The following SNTG1 variants were observed in gnomAD, a reference collection of about 807,000 sequenced individuals.
SNTG1 encodes gamma-1-syntrophin.
In SNTG1, 39 loss-of-function variants were observed where a neutral mutation model predicts 74.7. That is an observed-to-expected ratio of 0.52 (90% confidence interval 0.40 to 0.68). SNTG1 has a LOEUF of 0.68. SNTG1 is among the 30% of genes least tolerant of loss of function. SNTG1 has a pLI of 0.00. For missense variants in SNTG1, 685 were observed against 609.5 expected, an observed-to-expected ratio of 1.12 and a Z score of -1.30; for synonymous variants, 254 against 217.1, an observed-to-expected ratio of 1.17 and a Z score of -1.49.
intron 13 of SNTG1, among the ~76,000 whole-genome samples, chr8:50,607,494 G>C (rs1037396231): frequency 2.0e-5 from 3 of 151,336 alleles, no homozygotes; most frequent in Admixed American, 6.6e-5. Context: ...TAAGTCATTG[G>C]TATATATTTA....
intron 15 of SNTG1, among the ~76,000 whole-genome samples, chr8:50,702,218 C>T (rs1371981346): frequency 6.6e-6 from 1 of 152,072 alleles, no homozygotes; most frequent in Non-Finnish European, 1.5e-5. Context: ...TAGTTATTAT[C>T]TCTCATTGTT....
chr8:50,291,345 A>AT (rs933537070), intron 2 of SNTG1, among the ~76,000 whole-genome samples: 22 of 151,186 alleles, frequency 1.5e-4, no homozygotes, highest in African/African-American at 5.1e-4. Flanking sequence ...GTGAGGTACT[A>AT]TTTTTTTAAA....
At chr8:49,922,218 C>T (rs1328782259) in intron 1 of SNTG1, among the ~76,000 whole-genome samples, 3 of 152,060 alleles carry the variant, frequency 2.0e-5, no homozygotes, top group Non-Finnish European at 4.4e-5. Flanking sequence ...CAGAAGTTTG[C>T]TTTTGTCTGA....
intron 8 of SNTG1, among the ~76,000 whole-genome samples, chr8:50,501,713 C>A (rs1399919126): frequency 6.6e-6 from 1 of 151,494 alleles, no homozygotes; most frequent in Non-Finnish European, 1.5e-5. Context: ...CTGCCTCGGT[C>A]TCCCAAAGTG....
At chr8:50,280,746 G>A (rs1029913228) in intron 2 of SNTG1, among the ~76,000 whole-genome samples, 1 of 152,146 alleles carries the variant, frequency 6.6e-6, no homozygotes, top group Non-Finnish European at 1.5e-5. Context: ...GGGTTGTGGA[G>A]ATAAATTGTA....
chr8:50,743,798 G>A (rs1333670701), intron 17 of SNTG1, among the ~76,000 whole-genome samples: 1 of 151,954 alleles, frequency 6.6e-6, no homozygotes, highest in Non-Finnish European at 1.5e-5. Flanking sequence ...AAATACCTGA[G>A]ACTGGGTAAT....
chr8:50,186,014 G>T (rs75882972), intron 2 of SNTG1, among the ~76,000 whole-genome samples: 3 of 151,850 alleles, frequency 2.0e-5, no homozygotes, highest in African/African-American at 7.3e-5. Flanking sequence ...TCCCACCCCC[G>T]ACAGGTCTGT....
chr8:50,015,809 T>G (rs1233327092), intron 1 of SNTG1, among the ~76,000 whole-genome samples: 1 of 152,164 alleles, frequency 6.6e-6, no homozygotes, highest in Non-Finnish European at 1.5e-5. Flanking sequence ...TTTGATGAAC[T>G]CTTGGAAAAC....
intron 11 of SNTG1, among the ~76,000 whole-genome samples, chr8:50,540,161 G>A (rs1215547161): frequency 6.6e-6 from 1 of 152,106 alleles, no homozygotes; most frequent in Admixed American, 6.6e-5. Context: ...ATAAGAATGA[G>A]GCCACTCTGT....
intron 15 of SNTG1, among the ~76,000 whole-genome samples, chr8:50,691,879 G>A (rs1401781006): frequency 6.6e-6 from 1 of 152,034 alleles, no homozygotes; most frequent in East Asian, 1.9e-4. Flanking sequence ...GTCACTTTCA[G>A]GAACACCAAT....
chr8:50,552,501 A>G (rs1361052813), intron 11 of SNTG1, among the ~76,000 whole-genome samples: 1 of 152,214 alleles, frequency 6.6e-6, no homozygotes, highest in African/African-American at 2.4e-5. Context: ...GAAAGAAGGT[A>G]TGAACCTCTT....
At chr8:50,712,589 C>G (rs933435396) in intron 17 of SNTG1, among the ~76,000 whole-genome samples, 1 of 151,992 alleles carries the variant, frequency 6.6e-6, no homozygotes, top group Non-Finnish European at 1.5e-5. Context: ...CTGTATCCAT[C>G]AACCCGTCAT....
intron 17 of SNTG1, among the ~76,000 whole-genome samples, chr8:50,735,467 G>A (rs768115548): frequency 2.0e-5 from 3 of 151,716 alleles, no homozygotes; most frequent in South Asian, 2.1e-4. Context: ...CAAGAACTTC[G>A]TGAAGCATAC....
At chr8:50,387,414 C>A (rs941139417) in intron 2 of SNTG1, among the ~76,000 whole-genome samples, 21 of 152,154 alleles carry the variant, frequency 1.4e-4, no homozygotes, top group African/African-American at 5.1e-4. Context: ...TCTAACATTC[C>A]AGTACTCTTA....
intron 13 of SNTG1, among the ~76,000 whole-genome samples, chr8:50,619,730 C>G (rs1452016498): frequency 8.7e-6 from 1 of 114,622 alleles, no homozygotes; most frequent in Non-Finnish European, 1.6e-5. Flanking sequence ...GACTCCGTCT[C>G]GAAAAAAAAA....
At chr8:50,474,550 T>C (rs1035636181) in intron 8 of SNTG1, among the ~76,000 whole-genome samples, 6 of 152,116 alleles carry the variant, frequency 3.9e-5, no homozygotes, top group African/African-American at 1.4e-4. Context: ...CCAGTTAGAA[T>C]GGCGATCATT....
At chr8:50,658,777 A>T in intron 15 of SNTG1, 114 bp downstream of exon 15, 1 of 666,314 alleles carries the variant, frequency 1.5e-6, no homozygotes, top group Non-Finnish European at 2.6e-6. Flanking sequence ...AAGAGACACG[A>T]TAAAGACAAA....
chr8:49,944,745 A>G (rs1325372937), intron 1 of SNTG1, among the ~76,000 whole-genome samples: 2 of 151,780 alleles, frequency 1.3e-5, no homozygotes, highest in Non-Finnish European at 2.9e-5. Flanking sequence ...AAATCCATGT[A>G]ACGTCTACTT....
chr8:49,928,928 AT>A (rs759571953), intron 1 of SNTG1, among the ~76,000 whole-genome samples: 10 of 152,222 alleles, frequency 6.6e-5, no homozygotes, highest in Non-Finnish European at 1.3e-4. Context: ...CATGTCAAAA[AT>A]TTTAAATAAA....
Sources: gnomAD v4.1 joint callset for allele counts (sites outside exome capture counted in the v4.1 genomes callset) on GRCh38, gnomAD v4.1.1 for gene constraint, MANE v1.5 for transcripts, NCBI Gene and HGNC (gene_info 2026-07-23, HGNC 2026-07-21) for gene names.